The following RABGAP1 variants were observed in gnomAD, a reference collection of about 807,000 sequenced individuals.
The protein encoded by RABGAP1 is RAB GTPase activating protein 1, also known as rab GTPase-activating protein 1.
Under a neutral mutation model 137.6 loss-of-function variants are expected in RABGAP1, and 23 were observed. The observed-to-expected ratio is 0.17, with a 90% CI of 0.12 to 0.24. The LOEUF (loss-of-function observed/expected upper bound fraction) is 0.24, where lower values mean the gene tolerates loss of function less well. RABGAP1 is among the 10% of genes least tolerant of loss of function. The pLI, the probability that RABGAP1 is intolerant of heterozygous loss-of-function variation, is 1.00. For missense variants in RABGAP1, 906 were observed against 1,275.8 expected, an observed-to-expected ratio of 0.71 and a Z score of 4.42; for synonymous variants, 451 against 450.7, an observed-to-expected ratio of 1.00 and a Z score of -0.01.
intron 13 of RABGAP1, among the ~76,000 whole-genome samples, chr9:123,049,274 A>G (rs978876717): frequency 6.6e-6 from 1 of 152,182 alleles, no homozygotes; most frequent in Non-Finnish European, 1.5e-5. Context: ...TTCAATGATT[A>G]CAGCATATGG....
intron 13 of RABGAP1, among the ~76,000 whole-genome samples, chr9:123,039,071 T>A (rs1031772695): frequency 6.6e-6 from 1 of 152,158 alleles, no homozygotes; most frequent in Admixed American, 6.6e-5. Flanking sequence ...GTAAAGTGCT[T>A]TGCAAATAAA....
chr9:122,998,506 A>C, intron 9 of RABGAP1, 91 bp from the exon 10 acceptor site: 1 of 1,108,286 alleles, frequency 9.0e-7, no homozygotes, highest in South Asian at 2.0e-5. Context: ...TTGAAAGTTT[A>C]TAATAAAAGT....
intron 6 of RABGAP1, 43 bp downstream of exon 6, chr9:122,990,256 C>A: frequency 6.7e-7 from 1 of 1,494,794 alleles, no homozygotes; most frequent in Non-Finnish European, 9.1e-7. Flanking sequence ...TGCTGTGGTT[C>A]AGGGGAAATT....
chr9:123,004,420 TGG>T (rs1289257188), intron 10 of RABGAP1, among the ~76,000 whole-genome samples: 1 of 152,022 alleles, frequency 6.6e-6, no homozygotes, highest in African/African-American at 2.4e-5. Context: ...CCCAAGTAGC[TGG>T]GATCAAGGTG....
chr9:123,094,209 C>G (rs775937781), intron 21 of RABGAP1, among the ~76,000 whole-genome samples: 1 of 152,072 alleles, frequency 6.6e-6, no homozygotes, highest in Non-Finnish European at 1.5e-5. Context: ...GTTTTTCTTC[C>G]TTTCATATTT....
At chr9:122,941,666 A>C (rs1833575894) in intron 1 of RABGAP1, among the ~76,000 whole-genome samples, 1 of 152,196 alleles carries the variant, frequency 6.6e-6, no homozygotes, top group Non-Finnish European at 1.5e-5. Context: ...TTGGCATCCC[A>C]GTCTTCTCAT....
chr9:122,933,182 T>C, the RABGAP1 span, among the ~76,000 whole-genome samples: 5 of 152,192 alleles, frequency 3.3e-5, no homozygotes, highest in African/African-American at 1.2e-4. Context: ...TATTGTAGTC[T>C]CCCACTATTA....
At chr9:123,041,953 C>G (rs1410502138) in intron 13 of RABGAP1, among the ~76,000 whole-genome samples, 1 of 152,128 alleles carries the variant, frequency 6.6e-6, no homozygotes, top group Non-Finnish European at 1.5e-5. Context: ...AATCCCCATC[C>G]CACCTGAATC....
chr9:122,938,909 A>G (rs1833436409), upstream of RABGAP1: 1 of 152,222 alleles, frequency 6.6e-6, no homozygotes, highest in Non-Finnish European at 1.5e-5. Context: ...TTGCACTTCA[A>G]GTGGCCTGAT....
rs10660327 is a variant in RABGAP1, at chr9:122,942,669, C to CAA, written c.-50+1594_-50+1595dup. On this transcript the variant is annotated intron_variant, in intron 1 of 25. Coordinates refer to ENST00000373647, the MANE Select transcript of RABGAP1 (RefSeq NM_012197.4). The stretch of plus-strand genomic sequence containing the variant: ...TGAGCAACAGAGCGAGACTCCGTCT[C>CAA]AAAAAAAAAAAAAAAAAAACACAAA... Among the ~76,000 whole-genome samples the CAA allele has an allele frequency of 4.5e-3, 411 of 90,332 alleles. 14 individuals are homozygous for CAA. Among genetic ancestry groups the CAA allele is most frequent in the African/African-American group, 0.014 (326 of 23,110 alleles). The allele number at this position is 90,332 out of a possible 152,430, so 59.3% of individuals were successfully genotyped here. A position where few individuals can be genotyped will look rare whatever the true frequency, so the allele number is the denominator to read the frequency against.
At chr9:123,020,712 A>C (rs2031574814) in intron 13 of RABGAP1, among the ~76,000 whole-genome samples, 1 of 152,174 alleles carries the variant, frequency 6.6e-6, no homozygotes, top group Non-Finnish European at 1.5e-5. Context: ...TTTTGAGTGT[A>C]AATAACATTT....
intron 2 of RABGAP1, among the ~76,000 whole-genome samples, chr9:122,961,176 A>G (rs968202899): frequency 4.6e-5 from 7 of 152,318 alleles, no homozygotes; most frequent in East Asian, 1.9e-4. Flanking sequence ...AGGAAGTTCA[A>G]TGAACTCCAT....
the RABGAP1 span, among the ~76,000 whole-genome samples, chr9:122,934,866 G>C: frequency 6.6e-6 from 1 of 152,030 alleles, no homozygotes; most frequent in African/African-American, 2.4e-5. Flanking sequence ...TGACCTTCCA[G>C]AGTGCTGGGA....
chr9:122,995,331 G>A (rs1836958698), intron 6 of RABGAP1, among the ~76,000 whole-genome samples: 1 of 152,024 alleles, frequency 6.6e-6, no homozygotes, highest in Non-Finnish European at 1.5e-5. Flanking sequence ...CTATGATTAA[G>A]TATCTTTTTC....
At chr9:123,091,205 A>G (rs2035022152) in intron 21 of RABGAP1, among the ~76,000 whole-genome samples, 1 of 152,058 alleles carries the variant, frequency 6.6e-6, no homozygotes, top group Non-Finnish European at 1.5e-5. Context: ...CTAGGCTCCT[A>G]GGATTACCTT....
At position 123,103,065 on chromosome 9, in the gene RABGAP1, C is replaced by A. The variant is rs2035389585; in HGVS notation, c.3088-26C>A. On this transcript the variant is annotated intron_variant, in intron 25 of 25. Transcript: ENST00000373647. ...GTGTCATTGACACCAAGCCCAGCAT[C>A]CTCATGCACACTGTTCCTCTTGCAG... is the stretch of plus-strand genomic sequence containing the variant. 1.9e-6 allele frequency: 3 copies of A among 1,609,128 alleles called. No homozygotes were observed. The East Asian group carries it at 6.7e-5, about 36-fold the overall frequency.
intron 18 of RABGAP1, 123 bp from the exon 19 acceptor site, chr9:123,076,511 C>T: frequency 8.0e-7 from 1 of 1,245,482 alleles, no homozygotes; most frequent in South Asian, 1.6e-5. Context: ...GTGGCTCTGA[C>T]AAAAGCTAAG....
At chr9:123,073,822 T>G (rs2034431656) in intron 16 of RABGAP1, 145 bp downstream of exon 16, 6 of 1,129,662 alleles carry the variant, frequency 5.3e-6, no homozygotes, top group Non-Finnish European at 7.6e-6. Context: ...TTTATCACTA[T>G]GTGATTATGA....
chr9:123,049,437 G>A (rs541466679), intron 13 of RABGAP1, among the ~76,000 whole-genome samples: 1 of 152,240 alleles, frequency 6.6e-6, no homozygotes, highest in Admixed American at 6.5e-5. Flanking sequence ...CGATAATAGA[G>A]AAACCTAGAT....
Sources: gnomAD v4.1 joint callset for allele counts (sites outside exome capture counted in the v4.1 genomes callset) on GRCh38, gnomAD v4.1.1 for gene constraint, MANE v1.5 for transcripts, NCBI Gene and HGNC (gene_info 2026-07-23, HGNC 2026-07-21) for gene names.